The following COL22A1 variants were observed in gnomAD, a reference collection of about 807,000 sequenced individuals.
COL22A1 encodes the protein collagen alpha-1(XXII) chain.
COL22A1 carries 221 observed loss-of-function variants against 248.9 expected under a neutral mutation model. The ratio of observed to expected loss-of-function variants is 0.89; its 90% confidence interval spans 0.80 to 0.99. The LOEUF is 0.99. COL22A1 is among the 50% of genes least tolerant of loss of function. The probability of loss-of-function intolerance (pLI) is 0.00; values close to 1 mark genes in which losing one functional copy is unlikely to be tolerated. For synonymous variants in COL22A1, 891 were observed against 793.4 expected, an observed-to-expected ratio of 1.12 and a Z score of -2.07; for missense variants, 2,240 against 2,179.0, an observed-to-expected ratio of 1.03 and a Z score of -0.56.
At chr8:138,701,362 C>G (rs1054437694) in intron 31 of COL22A1, among the ~76,000 whole-genome samples, 6 of 151,736 alleles carry the variant, frequency 4.0e-5, no homozygotes, top group Admixed American at 3.9e-4. Context: ...AGCACGGGCC[C>G]GAAAGAAGCA....
At chr8:138,865,557 G>A (rs1174903280) in intron 3 of COL22A1, among the ~76,000 whole-genome samples, 19 of 150,056 alleles carry the variant, frequency 1.3e-4, no homozygotes, top group Admixed American at 1.3e-3. Context: ...GCCTGTGAGT[G>A]TATGTGTGTG....
At chr8:138,821,684 C>T (rs1436176706) in intron 6 of COL22A1, among the ~76,000 whole-genome samples, 1 of 152,182 alleles carries the variant, frequency 6.6e-6, no homozygotes, top group Admixed American at 6.5e-5. Context: ...CATACATTAA[C>T]TCAGGGGTCA....
chr8:138,592,911 T>C (rs1405502120), intron 63 of COL22A1, among the ~76,000 whole-genome samples: 1 of 152,224 alleles, frequency 6.6e-6, no homozygotes. Flanking sequence ...TAAAGAGACA[T>C]GCACACGTAT....
At position 138,901,358 on chromosome 8, in the gene COL22A1, G is replaced by GTT. The variant is rs146670099; in HGVS notation, c.-73+12259_-73+12260dup. Among the ~76,000 whole-genome samples, 850 of 131,426 alleles carry GTT rather than the reference G, an allele frequency of 6.5e-3. 11 individuals carry two copies. Among genetic ancestry groups the GTT allele is most frequent in the African/African-American group, 0.022 (773 of 35,550 alleles). 86.2% of individuals were successfully genotyped at this position (131,426 alleles called of 152,430 possible). A position where few individuals can be genotyped will look rare whatever the true frequency, so the allele number is the denominator to read the frequency against. On this transcript the variant is annotated intron_variant, in intron 1 of 64. Transcript: ENST00000303045. ...CCTCAGATCCACTCATTACTGGCAGGTTTTTTTTTTGTTTTTTTTTTTTTT... is the reference window on the plus strand; with the variant it reads ...CCTCAGATCCACTCATTACTGGCAGGTTTTTTTTTTTTGTTTTTTTTTTTTTT...
At chr8:138,680,535 G>C (rs543067051) in intron 39 of COL22A1, among the ~76,000 whole-genome samples, 41 of 152,300 alleles carry the variant, frequency 2.7e-4, no homozygotes, top group African/African-American at 8.9e-4. Flanking sequence ...TAAGGAATTA[G>C]AAGGGGCCAA....
At chr8:138,678,611 T>C (rs1825741305) in intron 40 of COL22A1, among the ~76,000 whole-genome samples, 1 of 151,898 alleles carries the variant, frequency 6.6e-6, no homozygotes, top group Admixed American at 6.6e-5. Context: ...GAAACAAGTG[T>C]CATGAACCAA....
intron 1 of COL22A1, among the ~76,000 whole-genome samples, chr8:138,906,888 AG>A (rs1299128375): frequency 6.6e-6 from 1 of 152,130 alleles, no homozygotes; most frequent in Non-Finnish European, 1.5e-5. Context: ...CCTGACCTCA[AG>A]TGATCCTTCC....
intron 30 of COL22A1, 22 bp downstream of exon 30, chr8:138,715,660 A>C: frequency 6.3e-7 from 1 of 1,595,962 alleles, no homozygotes; most frequent in Non-Finnish European, 8.6e-7. Flanking sequence ...TGATGGTCAG[A>C]ATGAGAGCAA....
chr8:138,884,438 A>G (rs149806290), intron 1 of COL22A1, among the ~76,000 whole-genome samples: 36 of 152,350 alleles, frequency 2.4e-4, no homozygotes, highest in African/African-American at 7.0e-4. Context: ...AATGTTTGCA[A>G]TGGTAGCGAA....
At chr8:138,903,514 C>T (rs1587007111) in intron 1 of COL22A1, among the ~76,000 whole-genome samples, 1 of 152,148 alleles carries the variant, frequency 6.6e-6, no homozygotes, top group East Asian at 1.9e-4. Flanking sequence ...GCGGGCACCT[C>T]AACCTGTTGT....
chr8:138,847,149 G>A (rs1177756959), intron 3 of COL22A1, among the ~76,000 whole-genome samples: 4 of 152,214 alleles, frequency 2.6e-5, no homozygotes, highest in Admixed American at 2.6e-4. Flanking sequence ...GGGAGTGGGA[G>A]TCTTCAGACC....
At chr8:138,776,136 A>G (rs7002411) in intron 15 of COL22A1, 126 bp from the exon 16 acceptor site, 23,210 of 881,238 alleles carry the variant, frequency 0.026, 1,798 homozygotes, top group African/African-American at 0.23. Flanking sequence ...GGTGATAGTG[A>G]GGACCCTGTC....
chr8:138,734,743 C>T (rs572436523), intron 23 of COL22A1, among the ~76,000 whole-genome samples: 1 of 152,294 alleles, frequency 6.6e-6, no homozygotes, highest in South Asian at 2.1e-4. Context: ...TATTGCAGCA[C>T]TATTTACAAT....
chr8:138,778,479 C>A, intron 14 of COL22A1, 73 bp from the exon 15 acceptor site: 1 of 1,364,416 alleles, frequency 7.3e-7, no homozygotes, highest in South Asian at 1.4e-5. Flanking sequence ...ACAGCTCAGC[C>A]AGTCCCACGT....
intron 35 of COL22A1, among the ~76,000 whole-genome samples, chr8:138,691,226 T>C (rs1036278227): frequency 2.0e-5 from 3 of 152,188 alleles, no homozygotes; most frequent in Non-Finnish European, 4.4e-5. Flanking sequence ...TTATCCTAAG[T>C]GCATGAGGAA....
At chr8:138,763,660 C>A (rs1170845670) in intron 16 of COL22A1, among the ~76,000 whole-genome samples, 1 of 152,130 alleles carries the variant, frequency 6.6e-6, no homozygotes, top group Non-Finnish European at 1.5e-5. Flanking sequence ...CCACCTGCAC[C>A]CCAGCAGCTG....
At chr8:138,792,551 G>T (rs1485002654) in intron 12 of COL22A1, among the ~76,000 whole-genome samples, 2 of 152,204 alleles carry the variant, frequency 1.3e-5, no homozygotes, top group African/African-American at 2.4e-5. Context: ...ATCTGTCCTT[G>T]TCCTTCTAAG....
chr8:138,616,887 G>T (rs750640389), intron 54 of COL22A1, 27 bp downstream of exon 54: 2 of 1,613,740 alleles, frequency 1.2e-6, no homozygotes, highest in Admixed American at 3.3e-5. Flanking sequence ...CACCTGGGGG[G>T]ACCTCCAAAG....
chr8:138,775,933 C>T, intron 16 of COL22A1, 33 bp downstream of exon 16: 3 of 1,606,690 alleles, frequency 1.9e-6, no homozygotes, highest in Non-Finnish European at 2.6e-6. Context: ...CTATGGAAAG[C>T]CGTATTGATG....
Sources: gnomAD v4.1 joint callset for allele counts (sites outside exome capture counted in the v4.1 genomes callset) on GRCh38, gnomAD v4.1.1 for gene constraint, MANE v1.5 for transcripts, NCBI Gene and HGNC (gene_info 2026-07-23, HGNC 2026-07-21) for gene names.